The following PCDHGA10 variants were observed in gnomAD, a reference collection of about 807,000 sequenced individuals.
PCDHGA10 encodes protocadherin gamma-A10.
Under a neutral mutation model 59.5 loss-of-function variants are expected in PCDHGA10, and 42 were observed. That is an observed-to-expected ratio of 0.71 (90% CI 0.55 to 0.91). The LOEUF is 0.91. Among genes scored for constraint, PCDHGA10 ranks in the 40% least tolerant of loss-of-function variants. PCDHGA10 has a pLI of 0.00. For synonymous variants in PCDHGA10, 511 were observed against 517.2 expected (o/e 0.99, Z 0.16); for missense variants, 1,111 against 1,198.2 (o/e 0.93, Z 1.07).
intron 2 of PCDHGA10, among the ~76,000 whole-genome samples, chr5:141,503,203 A>G (rs10477147): frequency 0.037 from 5,590 of 152,130 alleles, 132 homozygotes; most frequent in South Asian, 0.073. Flanking sequence ...TCAGCCTCTC[A>G]GTGCCCACCA....
At position 141,489,871 on chromosome 5, in the gene PCDHGA10, G is replaced by C; in HGVS notation, c.2437-4936G>C. ...TGAAGCCCAGGCAAGACATCAGCTGGTGCTTACTGCTGTGGATGGGGGGAC... is the reference window on the plus strand; with the variant it reads ...TGAAGCCCAGGCAAGACATCAGCTGCTGCTTACTGCTGTGGATGGGGGGAC... On this transcript the variant is annotated intron_variant, in intron 1 of 3. Coordinates refer to ENST00000398610, the MANE Select transcript of PCDHGA10 (RefSeq NM_018913.3). The surrounding 1 kb of genome is among the most constrained non-coding windows in gnomAD (Gnocchi z 4.5). 1 of 1,614,206 alleles carries C rather than the reference G, an allele frequency of 6.2e-7. No individual in the cohort carries two copies.
intron 1 of PCDHGA10, chr5:141,423,975 A>T: frequency 8.9e-7 from 1 of 1,126,024 alleles, no homozygotes; most frequent in Non-Finnish European, 1.1e-6. Flanking sequence ...TTATCAGTGT[A>T]TGAGGCTCTC....
At position 141,487,051 on chromosome 5, in the gene PCDHGA10, G is replaced by A. The variant is rs1348441475; in HGVS notation, c.2437-7756G>A. The A allele has an allele frequency of 3.7e-6, 6 of 1,614,024 alleles. No individual in the cohort carries two copies. The highest frequency in any genetic ancestry group is 5.1e-6 in the Non-Finnish European group (6 of 1,180,024). On this transcript the variant is annotated intron_variant, in intron 1 of 3. Coordinates refer to ENST00000398610, the MANE Select transcript of PCDHGA10 (RefSeq NM_018913.3). This position sits in a 1 kb window ranked among gnomAD's most constrained non-coding sequence, Gnocchi z 5.0. ...TGTTTGCAGTCTCTCGATATGCTGG[G>A]GAGGTGCGGACGGCTGTTCCTATCC... is the stretch of plus-strand genomic sequence containing the variant.
chr5:141,417,842 C>G (rs1247720013), intron 1 of PCDHGA10: 2 of 1,537,166 alleles, frequency 1.3e-6, no homozygotes, highest in Admixed American at 2.0e-5. Flanking sequence ...GGGGACCCAG[C>G]GAGAACCCGA....
intron 3 of PCDHGA10, 43 bp downstream of exon 3, chr5:141,505,524 G>A: frequency 6.2e-7 from 1 of 1,612,712 alleles, no homozygotes; most frequent in Non-Finnish European, 8.5e-7. Context: ...GGAGACCTGG[G>A]GTTCTGGGGT....
chr5:141,478,106 G>A (rs1474192496), intron 1 of PCDHGA10: 1 of 1,613,928 alleles, frequency 6.2e-7, no homozygotes, highest in Non-Finnish European at 8.5e-7. Context: ...TACCCTCACT[G>A]TGTCAGTAAC....
intron 1 of PCDHGA10, among the ~76,000 whole-genome samples, chr5:141,443,656 A>G (rs139300845): frequency 1.3e-5 from 2 of 152,374 alleles, no homozygotes; most frequent in East Asian, 3.8e-4. Flanking sequence ...TTAGCATAGC[A>G]TTTTACTGAA....
At chr5:141,483,179 G>C (rs2099577971) in intron 1 of PCDHGA10, among the ~76,000 whole-genome samples, 2 of 152,294 alleles carry the variant, frequency 1.3e-5, no homozygotes, top group African/African-American at 4.8e-5. Flanking sequence ...TTTGGGCCAA[G>C]CCAAGGAGTT....
chr5:141,474,962 A>G (rs954703806), intron 1 of PCDHGA10, among the ~76,000 whole-genome samples: 3 of 152,256 alleles, frequency 2.0e-5, no homozygotes, highest in Non-Finnish European at 4.4e-5. Flanking sequence ...CACTATCCTA[A>G]TCATTATAAT....
chr5:141,465,483 A>T (rs1279787337), intron 1 of PCDHGA10, among the ~76,000 whole-genome samples: 1 of 152,236 alleles, frequency 6.6e-6, no homozygotes, highest in Non-Finnish European at 1.5e-5. Flanking sequence ...TCATGAGAGG[A>T]ATGAGCGGGA....
intron 1 of PCDHGA10, chr5:141,478,227 G>A: frequency 6.2e-7 from 1 of 1,614,104 alleles, no homozygotes; most frequent in Non-Finnish European, 8.5e-7. Context: ...GTTTCTGTGG[G>A]GTTTGTGGTC....
intron 1 of PCDHGA10, among the ~76,000 whole-genome samples, chr5:141,446,698 G>C (rs750413432): frequency 1.3e-5 from 2 of 152,070 alleles, no homozygotes; most frequent in African/African-American, 4.8e-5. Flanking sequence ...GGCTGGTCTC[G>C]AACTCTGATC....
intron 1 of PCDHGA10, among the ~76,000 whole-genome samples, chr5:141,449,298 T>C (rs1197693931): frequency 6.6e-6 from 1 of 152,058 alleles, no homozygotes; most frequent in Non-Finnish European, 1.5e-5. Flanking sequence ...CCGGGTGAAT[T>C]ATATGTATTA....
rs367919924 is a variant in PCDHGA10, at chr5:141,487,711, T to A, written c.2437-7096T>A. The A allele has an allele frequency of 1.1e-5, 18 of 1,586,144 alleles. No individual in the cohort carries two copies. In the African/African-American group the frequency reaches 2.1e-4, roughly 19 times the overall value. On this transcript the variant is annotated intron_variant, in intron 1 of 3. Transcript: ENST00000398610. The surrounding 1 kb of genome is among the most constrained non-coding windows in gnomAD (Gnocchi z 5.0). ...TAGAGAGTACTGGCCTCTCAGTAAG[T>A]GCCCATAGTGATGTCACCATTTTTG...
At chr5:141,479,651 C>CAAA (rs931031810) in intron 1 of PCDHGA10, 2 of 152,124 alleles carry the variant, frequency 1.3e-5, no homozygotes, top group African/African-American at 2.4e-5. Flanking sequence ...ACAACAACAA[C>CAAA]AATCCCAGAA....
At chr5:141,443,328 A>C (rs569134076) in intron 1 of PCDHGA10, among the ~76,000 whole-genome samples, 24 of 151,794 alleles carry the variant, frequency 1.6e-4, no homozygotes, top group African/African-American at 4.8e-4. Context: ...AAAAAAAAAA[A>C]ACAAAAATTA....
At position 141,487,937 on chromosome 5, in the gene PCDHGA10, T is replaced by G; in HGVS notation, c.2437-6870T>G. 2 of 603,606 alleles carry G rather than the reference T, an allele frequency of 3.3e-6. No homozygotes were observed. The highest frequency in any genetic ancestry group is 2.9e-6 in the Non-Finnish European group (1 of 345,124). 37.4% of individuals were successfully genotyped at this position (603,606 alleles called of 1,614,324 possible). ...GGAGGCTACAGTGCACAGGGTACAG[T>G]GCACCAGGCAGTCACTTGGACAAAG... On this transcript the variant is annotated intron_variant, in intron 1 of 3. Transcript: ENST00000398610. The surrounding 1 kb of genome is among the most constrained non-coding windows in gnomAD (Gnocchi z 5.0).
intron 1 of PCDHGA10, among the ~76,000 whole-genome samples, chr5:141,450,816 T>C (rs960010807): frequency 7.9e-6 from 1 of 126,568 alleles, no homozygotes; most frequent in Non-Finnish European, 1.6e-5. Context: ...ATTTATTTAA[T>C]ATTATTATTA....
At position 141,476,001 on chromosome 5, in the gene PCDHGA10, C is replaced by A. The variant is rs989369008; in HGVS notation, c.2437-18806C>A. On this transcript the variant is annotated intron_variant, in intron 1 of 3. Coordinates refer to ENST00000398610, the MANE Select transcript of PCDHGA10 (RefSeq NM_018913.3). This position sits in a 1 kb window ranked among gnomAD's most constrained non-coding sequence, Gnocchi z 7.6. ...CAGCCGGCGAGCAAATCAACGGCAT[C>A]CAGAAAGCCATGTCGGACTCGGCGC... The A allele has an allele frequency of 5.7e-5, 70 of 1,235,226 alleles. No homozygotes were observed. In the Middle Eastern group the frequency reaches 8.6e-4, roughly 15 times the overall value. The allele number at this position is 1,235,226 out of a possible 1,614,324, so 76.5% of individuals were successfully genotyped here. A position where few individuals can be genotyped will look rare whatever the true frequency, so the allele number is the denominator to read the frequency against.
Sources: gnomAD v4.1 joint callset for allele counts (sites outside exome capture counted in the v4.1 genomes callset) on GRCh38, gnomAD v4.1.1 for gene constraint, Gnocchi (gnomAD v3.1) non-coding constraint, MANE v1.5 for transcripts, NCBI Gene and HGNC (gene_info 2026-07-23, HGNC 2026-07-21) for gene names.